The following INF2 variants were observed in gnomAD, a reference collection of about 807,000 sequenced individuals.
INF2 encodes inverted formin 2, also known as inverted formin-2.
INF2 carries 43 observed loss-of-function variants against 123.5 expected under a neutral mutation model. The observed-to-expected ratio is 0.35, with a 90% CI of 0.27 to 0.45. The LOEUF is 0.45. INF2 is among the 20% of genes least tolerant of loss of function. INF2 has a pLI of 1.00. For missense variants in INF2, 1,453 were observed against 1,682.7 expected, an observed-to-expected ratio of 0.86 and a Z score of 2.39; for synonymous variants, 851 against 745.0, an observed-to-expected ratio of 1.14 and a Z score of -2.32.
chr14:104,714,688 G>C lies in INF2; in HGVS notation c.3526G>C (p.Glu1176Gln). 6.2e-7 allele frequency: 1 copy of C among 1,611,406 alleles called. No individual in the cohort carries two copies. Among genetic ancestry groups the C allele is most frequent in the Non-Finnish European group, 8.5e-7 (1 of 1,178,978 alleles). Residue 1176 changes from glutamate to glutamine, a missense_variant, in exon 21 of 23, where the codon GAG (glutamate) becomes CAG (glutamine). This residue lies in a region of INF2 where 344 missense variants were observed against 333.1 expected (regional missense o/e 1.03). Transcript: ENST00000392634. Reference protein sequence around the residue: ...AGPGGDEDEDEEDTAPESALD... With the variant: ...AGPGGDEDEDQEDTAPESALD... Reference sequence around the variant, plus strand: ...CCCAGGTGGGGATGAGGACGAGGACGAGGAGGACACGGCCCCAGAGTCCGC... The same window carrying C: ...CCCAGGTGGGGATGAGGACGAGGACCAGGAGGACACGGCCCCAGAGTCCGC...
upstream of INF2, chr14:104,689,590 T>TCCCCCCCCC: frequency 1.5e-6 from 1 of 646,936 alleles, no homozygotes; most frequent in Non-Finnish European, 1.9e-6. Context: ...CTCCTCTTCC[T>TCCCCCCCCC]CCCGCCCGCC....
chr14:104,687,353 CG>C (rs1888688946), upstream of INF2, among the ~76,000 whole-genome samples: 1 of 152,030 alleles, frequency 6.6e-6, no homozygotes, highest in South Asian at 2.1e-4. This position sits in a 1 kb window ranked among gnomAD's most constrained non-coding sequence, Gnocchi z 5.6. Flanking sequence ...GTGCTCAAGC[CG>C]GGTTGAACCC....
rs530087747 is a variant in INF2, at chr14:104,697,714, G to C, written c.-9-3643G>C. ...CCTGCCTGCCAGAGCTAGAGTCAGG[G>C]GAGAGGCATGGCCCCGTCCTCTGGA... On this transcript the variant is annotated intron_variant, in intron 1 of 22. Transcript: ENST00000392634. 5.9e-5 allele frequency among the ~76,000 whole-genome samples: 9 copies of C among 152,362 alleles called. No individual in the cohort carries two copies. In the South Asian group the frequency reaches 1.7e-3, roughly 28 times the overall value.
Position 104,714,356 on chromosome 14 carries a change from A to C in INF2, c.3194A>C (p.Glu1065Ala), listed in dbSNP as rs202244190. The C allele has an allele frequency of 1.0e-5, 16 of 1,597,152 alleles. No individual in the cohort carries two copies. The Admixed American group carries it at 2.3e-4, about 23-fold the overall frequency. ...CCTCAGCCCACCCTGGAGCAGTTGGAGGAGGGTGGTCCACGGCCCCTGGAG... is the reference window on the plus strand; with the variant it reads ...CCTCAGCCCACCCTGGAGCAGTTGGCGGAGGGTGGTCCACGGCCCCTGGAG... ...PGPQPTLEQL[E>A]EGGPRPLERR... Residue 1065 changes from glutamate (E) to alanine (A), a missense_variant, in exon 21 of 23, where the codon GAG becomes GCG. Glu to Ala is a moderately radical substitution (Grantham distance 107). Around this residue, in one of 8 missense-constraint regions of INF2, gnomAD observed 344 missense variants for 333.1 expected, o/e 1.03. Coordinates refer to ENST00000392634, the MANE Select transcript of INF2 (RefSeq NM_022489.4).
intron 1 of INF2, among the ~76,000 whole-genome samples, chr14:104,697,296 C>A (rs920938868): frequency 1.3e-5 from 2 of 152,236 alleles, no homozygotes; most frequent in African/African-American, 4.8e-5. Context: ...GGCCTGGGGG[C>A]TTCAGTGGCT....
At chr14:104,687,085 G>A (rs10136869), upstream of INF2, among the ~76,000 whole-genome samples, 52,318 of 152,036 alleles carry the variant, frequency 0.34, 9,347 homozygotes, top group Middle Eastern at 0.44. This position sits in a 1 kb window ranked among gnomAD's most constrained non-coding sequence, Gnocchi z 5.6. Flanking sequence ...TGTGTACCCG[G>A]CTCCGAGGAA....
At chr14:104,700,967 G>T in intron 1 of INF2, 3 of 678,408 alleles carry the variant, frequency 4.4e-6, no homozygotes, top group Non-Finnish European at 5.5e-6. Flanking sequence ...CATTACCGTG[G>T]GTAATGTTCC....
rs1370704616 is a variant in INF2 at position 104,707,349 on chromosome 14, A to G, written c.1082A>G (p.Gln361Arg). The G allele has an allele frequency of 2.5e-6, 4 of 1,599,110 alleles. No homozygotes were observed. Among genetic ancestry groups the G allele is most frequent in the Non-Finnish European group, 3.4e-6 (4 of 1,173,866 alleles). ...CTGGTCAAGGCCCATAAAAGCGTCC[A>G]GGCCAACCTAGACCAGAGCCAGAGG... ...SPLVKAHKSV[Q>R]ANLDQSQRGS... Residue 361 changes from glutamine to arginine, a missense_variant, in exon 8 of 23, where the codon CAG becomes CGG. Physicochemically the swap from Gln to Arg is conservative, Grantham distance 43. This residue lies in a region of INF2 where 374 missense variants were observed against 303.7 expected (regional missense o/e 1.23). Coordinates refer to ENST00000392634, the MANE Select transcript of INF2 (RefSeq NM_022489.4).
intron 5 of INF2, among the ~76,000 whole-genome samples, chr14:104,705,282 T>C (rs57718059): frequency 0.075 from 11,370 of 152,218 alleles, 450 homozygotes; most frequent in Non-Finnish European, 0.084. Context: ...CTGGCCGTGG[T>C]GGCATGTGCC....
chr14:104,689,502 G>GCC, upstream of INF2: 2 of 204,220 alleles, frequency 9.8e-6, no homozygotes, highest in Non-Finnish European at 1.6e-5. Flanking sequence ...GCCACCCCCA[G>GCC]CCACCCACCT....
In INF2 at chr14:104,721,930, C is replaced by G. The variant is rs1007102039; in HGVS notation, c.*3137C>G. Reference sequence around the variant, plus strand: ...CGTGTATGCAGGTGGCTGTGGGTGTCTGTGTGTCCTGGGCCACTGTGTGCG... The same window carrying G: ...CGTGTATGCAGGTGGCTGTGGGTGTGTGTGTGTCCTGGGCCACTGTGTGCG... On this transcript the variant is annotated 3_prime_UTR_variant, in exon 23 of 23. Transcript: ENST00000392634. The G allele has an allele frequency of 6.6e-6, 1 of 152,400 alleles. No individual in the cohort carries two copies. Among genetic ancestry groups the G allele is most frequent in the Non-Finnish European group, 1.5e-5 (1 of 68,120 alleles). 9.4% of individuals were successfully genotyped at this position (152,400 alleles called of 1,614,324 possible). A position where few individuals can be genotyped will look rare whatever the true frequency, so the allele number is the denominator to read the frequency against.
intron 1 of INF2, among the ~76,000 whole-genome samples, chr14:104,700,257 C>G (rs184239572): frequency 6.6e-6 from 1 of 152,284 alleles, no homozygotes; most frequent in Non-Finnish European, 1.5e-5. Flanking sequence ...GGGCACAGAC[C>G]CAGCTTCTCT....
At chr14:104,712,146 C>G (rs529768645) in intron 16 of INF2, among the ~76,000 whole-genome samples, 2 of 152,140 alleles carry the variant, frequency 1.3e-5, no homozygotes, top group Non-Finnish European at 2.9e-5. Context: ...GGAGTTCTTC[C>G]CGGGCTCCAC....
rs1888837779 is a variant in INF2 at position 104,689,619 on chromosome 14, C to G, written c.-130C>G. On this transcript the variant is annotated 5_prime_UTR_variant, in exon 1 of 23. Coordinates refer to ENST00000392634, the MANE Select transcript of INF2 (RefSeq NM_022489.4). ...GCCCGCCCCGCCCGCCCCGCGCCCG[C>G]CAGGAGCCACCGTCCGAGCCTTGCG... 5 of 905,304 alleles carry G rather than the reference C, an allele frequency of 5.5e-6. No homozygotes were observed. The highest frequency in any genetic ancestry group is 6.6e-6 in the Non-Finnish European group (5 of 757,232). The allele number at this position is 905,304 out of a possible 1,614,324, so 56.1% of individuals were successfully genotyped here.
At position 104,719,016 on chromosome 14, in the gene INF2, C is replaced by T. The variant is rs894660087; in HGVS notation, c.*223C>T. The T allele has an allele frequency of 4.0e-5, 44 of 1,108,112 alleles. No individual in the cohort carries two copies. The highest frequency in any genetic ancestry group is 4.8e-5 in the Non-Finnish European group (39 of 818,836). 68.6% of individuals were successfully genotyped at this position (1,108,112 alleles called of 1,614,324 possible). ...TGCCAGGCCTGGTGCCCTCCTGGAC[C>T]GCCTGCACGTGCCAGCCTCCCACCT... On this transcript the variant is annotated 3_prime_UTR_variant, in exon 23 of 23. Coordinates refer to ENST00000392634, the MANE Select transcript of INF2 (RefSeq NM_022489.4).
chr14:104,689,759 G>T lies in INF2; in HGVS notation c.-10+20G>T. 1.0e-6 allele frequency: 1 copy of T among 984,776 alleles called. No homozygotes were observed. Among genetic ancestry groups the T allele is most frequent in the Non-Finnish European group, 1.2e-6 (1 of 829,466 alleles). The allele number at this position is 984,776 out of a possible 1,614,324, so 61.0% of individuals were successfully genotyped here. A position where few individuals can be genotyped will look rare whatever the true frequency, so the allele number is the denominator to read the frequency against. ...CACCGGGTAAGTCCTTGGCCTCGGG[G>T]TCCGCTTGGAGCTTCAGGGGAAACT... is the stretch of plus-strand genomic sequence containing the variant. On this transcript the variant is annotated intron_variant, in intron 1 of 22. Coordinates refer to ENST00000392634, the MANE Select transcript of INF2 (RefSeq NM_022489.4).
chr14:104,686,758 C>T (rs754013142), upstream of INF2, among the ~76,000 whole-genome samples: 1 of 152,218 alleles, frequency 6.6e-6, no homozygotes, highest in Admixed American at 6.5e-5. Flanking sequence ...TGGCCGCCTG[C>T]TGCATGCAGG....
At chr14:104,687,792 G>A (rs1022757230), upstream of INF2, among the ~76,000 whole-genome samples, 1 of 152,144 alleles carries the variant, frequency 6.6e-6, no homozygotes, top group Admixed American at 6.5e-5. The surrounding 1 kb of genome is among the most constrained non-coding windows in gnomAD (Gnocchi z 5.6). Context: ...GTAAGGCTCA[G>A]GACTCTGACT....
At position 104,707,556 on chromosome 14, in the gene INF2, T is replaced by G; in HGVS notation, c.1289T>G (p.Leu430Arg). The G allele has an allele frequency of 9.6e-6, 9 of 942,150 alleles. No homozygotes were observed. Among genetic ancestry groups the G allele is most frequent in the Non-Finnish European group, 1.2e-5 (9 of 741,092 alleles). 58.4% of individuals were successfully genotyped at this position (942,150 alleles called of 1,614,324 possible). Reference sequence around the variant, plus strand: ...CCCCCACCCCCACCCCCACCCCTGCTCCCTGGTTCCAGTGCCGAGCCCCCT... The same window carrying G: ...CCCCCACCCCCACCCCCACCCCTGCGCCCTGGTTCCAGTGCCGAGCCCCCT... Reference protein sequence around the residue: ...TPPPPPPPPLLPGSSAEPPPP... With the variant: ...TPPPPPPPPLRPGSSAEPPPP... The change falls in exon 8 of 23, where the codon CTC (leucine) becomes CGC (arginine). Residue 430 changes from leucine (L) to arginine (R), a missense_variant. Physicochemically the swap from Leu to Arg is moderately radical, Grantham distance 102. Transcript: ENST00000392634.
Sources: allele counts gnomAD v4.1 joint callset (sites outside exome capture counted in the v4.1 genomes callset), GRCh38; gene constraint gnomAD v4.1.1; regional missense constraint gnomAD v4.1.1; non-coding constraint Gnocchi (gnomAD v3.1); transcripts MANE v1.5; gene names NCBI Gene and HGNC (gene_info 2026-07-23, HGNC 2026-07-21).